The following PRKN variants were observed in gnomAD, a reference collection of about 807,000 sequenced individuals.
PRKN encodes the protein parkin RBR E3 ubiquitin protein ligase, also known as E3 ubiquitin-protein ligase parkin.
Under a neutral mutation model 59.5 loss-of-function variants are expected in PRKN, and 56 were observed. The observed-to-expected ratio is 0.94, with a 90% CI of 0.76 to 1.18. The LOEUF is 1.18. PRKN is among the 50% of genes most tolerant of loss of function. The pLI is 0.00. For missense variants in PRKN, 657 were observed against 596.4 expected (o/e 1.10, Z -1.06); for synonymous variants, 250 against 222.1 (o/e 1.13, Z -1.12).
At position 162,075,885 on chromosome 6, in the gene PRKN, C is replaced by T. The variant is rs113299511; in HGVS notation, c.535-21711G>A. ...ATTTATCCCCATCTTTTCACTGAAC[C>T]GTACACATTGTGGGCAGGGGTTCCT... On this transcript the variant is annotated intron_variant, in intron 4 of 11. Coordinates refer to ENST00000366898, the MANE Select transcript of PRKN (RefSeq NM_004562.3). 1.3e-3 allele frequency among the ~76,000 whole-genome samples: 203 copies of T among 151,814 alleles called. 2 individuals carry two copies. Among genetic ancestry groups the T allele is most frequent in the African/African-American group, 5.6e-4 (23 of 41,282 alleles).
intron 9 of PRKN, among the ~76,000 whole-genome samples, chr6:161,506,306 C>T (rs1228521210): frequency 1.3e-5 from 2 of 152,098 alleles, no homozygotes; most frequent in African/African-American, 2.4e-5. Flanking sequence ...TGGGAGTTCA[C>T]TCATGATTTG....
At chr6:162,430,734 C>A (rs1246175995) in intron 2 of PRKN, among the ~76,000 whole-genome samples, 5 of 152,114 alleles carry the variant, frequency 3.3e-5, no homozygotes. Flanking sequence ...CAGCATAGAT[C>A]AGGCCACTTT....
At chr6:162,461,716 G>A (rs147511917) in intron 1 of PRKN, among the ~76,000 whole-genome samples, 1 of 150,772 alleles carries the variant, frequency 6.6e-6, no homozygotes, top group African/African-American at 2.4e-5. Flanking sequence ...AGCTACTCGG[G>A]GCGGGGGGCT....
At chr6:162,492,279 G>C (rs1339133618) in intron 1 of PRKN, among the ~76,000 whole-genome samples, 1 of 152,210 alleles carries the variant, frequency 6.6e-6, no homozygotes, top group Non-Finnish European at 1.5e-5. Context: ...GGGTGCGCTT[G>C]CTTATCCTCA....
intron 1 of PRKN, among the ~76,000 whole-genome samples, chr6:162,661,057 T>C (rs1046571513): frequency 6.6e-6 from 1 of 150,744 alleles, no homozygotes; most frequent in Non-Finnish European, 1.5e-5. Context: ...AGGTCAGGAG[T>C]TCAAGATAAG....
At chr6:161,703,853 T>C (rs1236826031) in intron 7 of PRKN, among the ~76,000 whole-genome samples, 54 of 26,716 alleles carry the variant, frequency 2.0e-3, no homozygotes, top group Non-Finnish European at 3.2e-3. Context: ...TTTTTTTTTT[T>C]TTTTTTTTTT....
At chr6:161,977,769 A>C (rs367593506) in intron 5 of PRKN, among the ~76,000 whole-genome samples, 1 of 151,554 alleles carries the variant, frequency 6.6e-6, no homozygotes, top group Non-Finnish European at 1.5e-5. Flanking sequence ...GGATGGTCTC[A>C]ATCTCCTGAC....
intron 2 of PRKN, among the ~76,000 whole-genome samples, chr6:162,341,224 T>G (rs1355727739): frequency 6.6e-6 from 1 of 152,070 alleles, no homozygotes; most frequent in Non-Finnish European, 1.5e-5. Flanking sequence ...CTCATGCCAG[T>G]TAGAATGGGG....
chr6:161,774,782 T>C (rs529579919), intron 7 of PRKN, among the ~76,000 whole-genome samples: 43 of 152,310 alleles, frequency 2.8e-4, no homozygotes, highest in Middle Eastern at 3.4e-3. Context: ...AGTTAGACTA[T>C]TACCCTGACT....
chr6:161,756,018 G>T (rs1388673847), intron 7 of PRKN, among the ~76,000 whole-genome samples: 1 of 152,208 alleles, frequency 6.6e-6, no homozygotes, highest in African/African-American at 2.4e-5. Context: ...GGTTGAAATT[G>T]ATCAATGAGG....
chr6:162,479,767 C>T (rs78036399), intron 1 of PRKN, among the ~76,000 whole-genome samples: 66,787 of 147,536 alleles, frequency 0.45, 15,355 homozygotes, highest in Middle Eastern at 0.51. Flanking sequence ...GTTTTTTTTT[C>T]TCAAAAATAA....
chr6:162,570,400 T>A (rs1443012595), intron 1 of PRKN, among the ~76,000 whole-genome samples: 1 of 152,240 alleles, frequency 6.6e-6, no homozygotes, highest in South Asian at 2.1e-4. Context: ...GATTATTTTT[T>A]AGTTTTGAGG....
chr6:162,011,677 T>C (rs1371678632), intron 5 of PRKN, among the ~76,000 whole-genome samples: 2 of 149,926 alleles, frequency 1.3e-5, no homozygotes, highest in Non-Finnish European at 3.0e-5. Flanking sequence ...GTTTGTTCCA[T>C]AGTGCATATT....
chr6:162,545,886 A>G (rs1163579784), intron 1 of PRKN, among the ~76,000 whole-genome samples: 1 of 152,134 alleles, frequency 6.6e-6, no homozygotes, highest in Non-Finnish European at 1.5e-5. Context: ...TGGTGCTTCA[A>G]GACTGAAGAA....
intron 11 of PRKN, among the ~76,000 whole-genome samples, chr6:161,351,131 T>A (rs1416564176): frequency 3.9e-5 from 5 of 129,536 alleles, no homozygotes; most frequent in African/African-American, 1.4e-4. Context: ...TATATTTTTA[T>A]ATATTTATAT....
chr6:162,126,213 A>C (rs548996643), intron 4 of PRKN, among the ~76,000 whole-genome samples: 2 of 152,332 alleles, frequency 1.3e-5, no homozygotes, highest in African/African-American at 4.8e-5. Context: ...CGAGACACAG[A>C]GTTCTCATTC....
intron 4 of PRKN, among the ~76,000 whole-genome samples, chr6:162,096,848 ATTTTTTTTTTTTTTTTTT>A (rs71004079): frequency 2.0e-5 from 1 of 49,180 alleles, no homozygotes; most frequent in East Asian, 7.5e-4. Flanking sequence ...TACAGCTGGA[ATTTTTTTTTTTTTTTTTT>A]TTTTTTTTTT....
At chr6:161,493,597 G>A (rs775562556) in intron 9 of PRKN, among the ~76,000 whole-genome samples, 47 of 152,284 alleles carry the variant, frequency 3.1e-4, no homozygotes, top group Admixed American at 1.0e-3. Flanking sequence ...CTGAATATGT[G>A]GCAATGAACA....
chr6:162,100,724 G>A (rs908667131), intron 4 of PRKN, among the ~76,000 whole-genome samples: 2 of 152,126 alleles, frequency 1.3e-5, no homozygotes, highest in African/African-American at 4.8e-5. Flanking sequence ...TTACAGGCAT[G>A]AGCCACCGTG....
Sources: gnomAD v4.1 joint callset for allele counts (sites outside exome capture counted in the v4.1 genomes callset) on GRCh38, gnomAD v4.1.1 for gene constraint, MANE v1.5 for transcripts, NCBI Gene and HGNC (gene_info 2026-07-23, HGNC 2026-07-21) for gene names.